Variants in TOPAZ1 observed in about 807,000 individuals in gnomAD.
TOPAZ1 encodes the protein testis and ovary specific TOPAZ 1, also known as protein TOPAZ1.
TOPAZ1 carries 66 observed loss-of-function variants against 172.2 expected under a neutral mutation model. The ratio of observed to expected loss-of-function variants is 0.38; its 90% CI spans 0.31 to 0.47. The LOEUF (loss-of-function observed/expected upper bound fraction) is 0.47, where lower values mean the gene tolerates loss of function less well. Ranked by LOEUF, TOPAZ1 falls within the 20% of genes least tolerant of loss-of-function variation. TOPAZ1 has a pLI of 0.99. For synonymous variants in TOPAZ1, 681 were observed against 683.9 expected, an observed-to-expected ratio of 1.00 and a Z score of 0.07; for missense variants, 1,822 against 1,972.4, an observed-to-expected ratio of 0.92 and a Z score of 1.44.
rs1268555446 is a variant in TOPAZ1 at position 44,323,385 on chromosome 3, T to G, written c.4675+90T>G. 6 of 807,002 alleles carry G rather than the reference T, an allele frequency of 7.4e-6. No homozygotes were observed. In the East Asian group the frequency reaches 1.7e-4, roughly 23 times the overall value. The allele number at this position is 807,002 out of a possible 1,614,324, so 50.0% of individuals were successfully genotyped here. A position where few individuals can be genotyped will look rare whatever the true frequency, so the allele number is the denominator to read the frequency against. On this transcript the variant is annotated intron_variant, in intron 18 of 19. Transcript: ENST00000309765. ...TAATATATAAGATTAGATATTTATATGTATTAAAAGAGCAGTAATACATAT... is the reference window on the plus strand; with the variant it reads ...TAATATATAAGATTAGATATTTATAGGTATTAAAAGAGCAGTAATACATAT...
chr3:44,276,180 C>G (rs1211263275), intron 8 of TOPAZ1, among the ~76,000 whole-genome samples: 1 of 152,114 alleles, frequency 6.6e-6, no homozygotes, highest in African/African-American at 2.4e-5. Context: ...TGTGCAGAAG[C>G]TTTTTGGTTT....
chr3:44,244,712 T>C lies in TOPAZ1; in HGVS notation c.2206T>C (p.Ser736Pro). The change falls in exon 2 of 20, where the codon TCC (serine) becomes CCC (proline). Residue 736 changes from serine to proline, a missense_variant. Ser to Pro is a moderately conservative substitution (Grantham distance 74). This residue lies in a region of TOPAZ1 where 1,489 missense variants were observed against 1,490.8 expected (regional missense o/e 1.00). Coordinates refer to ENST00000309765, the MANE Select transcript of TOPAZ1 (RefSeq NM_001145030.2). ...VRQNRSKENV[S>P]MMMLGPQTLS... ...ACAGAACAGGAGTAAAGAAAATGTC[T>C]CCATGATGATGTTAGGACCTCAAAC... The C allele has an allele frequency of 6.4e-7, 1 of 1,551,466 alleles. No homozygotes were observed. Among genetic ancestry groups the C allele is most frequent in the Non-Finnish European group, 8.7e-7 (1 of 1,146,954 alleles).
At chr3:44,334,802 C>G (rs1700705942), downstream of TOPAZ1, among the ~76,000 whole-genome samples, 1 of 152,182 alleles carries the variant, frequency 6.6e-6, no homozygotes, top group South Asian at 2.1e-4. Context: ...AGGTGCAACA[C>G]ATTTTGTTAA....
At chr3:44,262,549 T>C in intron 5 of TOPAZ1, 66 bp downstream of exon 5, 1 of 844,692 alleles carries the variant, frequency 1.2e-6, no homozygotes, top group Non-Finnish European at 1.8e-6. Context: ...ATCTTGAGTA[T>C]GTTTTTTATT....
At chr3:44,284,776 G>C (rs987303988) in intron 9 of TOPAZ1, among the ~76,000 whole-genome samples, 1 of 152,136 alleles carries the variant, frequency 6.6e-6, no homozygotes, top group African/African-American at 2.4e-5. Context: ...ATGAAGTATA[G>C]CAATTAGCAA....
Position 44,242,881 on chromosome 3 carries a change from C to G in TOPAZ1, c.375C>G (p.Ala125=). The G allele has an allele frequency of 6.6e-7, 1 of 1,518,486 alleles. No individual in the cohort carries two copies. The highest frequency in any genetic ancestry group is 1.3e-5 in the South Asian group (1 of 76,810). The allele number at this position is 1,518,486 out of a possible 1,614,324, so 94.1% of individuals were successfully genotyped here. ...HTKEKRKVTE[A]SSDDPQPGLD... Reference sequence around the variant, plus strand: ...AGGAAAAAAGAAAAGTTACTGAAGCCTCAAGTGATGATCCACAGCCAGGGC... The same window carrying G: ...AGGAAAAAAGAAAAGTTACTGAAGCGTCAAGTGATGATCCACAGCCAGGGC... The change falls in exon 2 of 20, where the codon GCC becomes GCG. Residue 125 remains alanine, a synonymous_variant. Transcript: ENST00000309765.
intron 17 of TOPAZ1, among the ~76,000 whole-genome samples, chr3:44,322,525 T>C (rs1265564947): frequency 6.6e-6 from 1 of 152,220 alleles, no homozygotes; most frequent in Non-Finnish European, 1.5e-5. Context: ...AGGAAGTTAA[T>C]GGTTTTTCTT....
chr3:44,270,580 A>G, intron 7 of TOPAZ1, 105 bp from the exon 8 acceptor site: 1 of 671,690 alleles, frequency 1.5e-6, no homozygotes, highest in Non-Finnish European at 2.2e-6. Flanking sequence ...TTATCTTGAT[A>G]CTCTTTGGAA....
intron 5 of TOPAZ1, among the ~76,000 whole-genome samples, chr3:44,265,335 G>T (rs1051017641): frequency 6.6e-6 from 1 of 152,202 alleles, no homozygotes; most frequent in African/African-American, 2.4e-5. Context: ...GCCAAGGTGG[G>T]TGGATCACAA....
At chr3:44,291,123 A>G (rs1308337244) in intron 12 of TOPAZ1, among the ~76,000 whole-genome samples, 1 of 152,052 alleles carries the variant, frequency 6.6e-6, no homozygotes, top group Non-Finnish European at 1.5e-5. Flanking sequence ...ATCAAGTGTA[A>G]AAAGAGTGTC....
At chr3:44,246,108 A>T (rs2125676477) in intron 2 of TOPAZ1, among the ~76,000 whole-genome samples, 1 of 152,314 alleles carries the variant, frequency 6.6e-6, no homozygotes, top group Admixed American at 6.5e-5. Context: ...ATTTTCAGAG[A>T]TAAACAGCAT....
intron 16 of TOPAZ1, among the ~76,000 whole-genome samples, chr3:44,313,654 A>C (rs970546591): frequency 6.6e-6 from 1 of 151,804 alleles, no homozygotes; most frequent in Non-Finnish European, 1.5e-5. Flanking sequence ...TTTATTAGAA[A>C]ATCTTAGAGA....
chr3:44,264,946 A>G (rs1226281982), intron 5 of TOPAZ1, among the ~76,000 whole-genome samples: 1 of 152,172 alleles, frequency 6.6e-6, no homozygotes. Context: ...TTTTCTTGCT[A>G]TGTCCTCCAC....
intron 8 of TOPAZ1, among the ~76,000 whole-genome samples, chr3:44,276,876 C>T (rs941654803): frequency 2.0e-5 from 3 of 151,476 alleles, no homozygotes; most frequent in African/African-American, 7.3e-5. Context: ...CTGCACCCTC[C>T]GCCTCCTGGG....
At chr3:44,245,766 C>G (rs1699557951) in intron 2 of TOPAZ1, among the ~76,000 whole-genome samples, 1 of 152,026 alleles carries the variant, frequency 6.6e-6, no homozygotes, top group Non-Finnish European at 1.5e-5. Context: ...GTCTTGATCT[C>G]CTGACCTCGT....
intron 3 of TOPAZ1, among the ~76,000 whole-genome samples, chr3:44,255,785 A>G (rs1699696182): frequency 6.6e-6 from 1 of 150,822 alleles, no homozygotes; most frequent in African/African-American, 2.4e-5. Flanking sequence ...ATAGGGCATA[A>G]CTTAGTATGA....
intron 6 of TOPAZ1, among the ~76,000 whole-genome samples, chr3:44,268,186 C>T (rs1699852187): frequency 6.6e-6 from 1 of 151,888 alleles, no homozygotes; most frequent in African/African-American, 2.4e-5. Flanking sequence ...GATTAAAGGG[C>T]TCAAACAACA....
intron 8 of TOPAZ1, among the ~76,000 whole-genome samples, chr3:44,276,742 A>T (rs1211834403): frequency 2.8e-5 from 4 of 142,362 alleles, no homozygotes; most frequent in African/African-American, 1.0e-4. Context: ...TGACATTGGT[A>T]TTTTAATAGA....
chr3:44,310,800 A>C (rs867774945), intron 16 of TOPAZ1, among the ~76,000 whole-genome samples: 57 of 152,246 alleles, frequency 3.7e-4, no homozygotes, highest in African/African-American at 1.2e-3. Flanking sequence ...ATGTATGGGC[A>C]AACATGACTT....
Sources: allele counts gnomAD v4.1 joint callset (sites outside exome capture counted in the v4.1 genomes callset), GRCh38; gene constraint gnomAD v4.1.1; regional missense constraint gnomAD v4.1.1; transcripts MANE v1.5; gene names NCBI Gene and HGNC (gene_info 2026-07-23, HGNC 2026-07-21).